The following DMTF1 variants were observed in gnomAD, a reference collection of about 807,000 sequenced individuals.
DMTF1 encodes the protein cyclin D binding myb like transcription factor 1, also known as cyclin-D-binding Myb-like transcription factor 1.
DMTF1 carries 39 observed loss-of-function variants against 91.1 expected under a neutral mutation model. The observed-to-expected ratio is 0.43, with a 90% CI of 0.33 to 0.56. The LOEUF is 0.56. Among genes scored for constraint, DMTF1 ranks in the 20% least tolerant of loss-of-function variants. The pLI, the probability that DMTF1 is intolerant of heterozygous loss-of-function variation, is 0.05. For missense variants in DMTF1, 750 were observed against 914.5 expected (o/e 0.82, Z 2.32); for synonymous variants, 338 against 309.5 (o/e 1.09, Z -0.97).
chr7:87,162,584 A>G (rs1230001291), intron 1 of DMTF1, among the ~76,000 whole-genome samples: 4 of 152,104 alleles, frequency 2.6e-5, no homozygotes, highest in African/African-American at 9.7e-5. Flanking sequence ...TTACTTTTTT[A>G]CATTTCTTTC....
chr7:87,157,336 C>T (rs1263828329), intron 1 of DMTF1, among the ~76,000 whole-genome samples: 1 of 152,106 alleles, frequency 6.6e-6, no homozygotes, highest in Non-Finnish European at 1.5e-5. Flanking sequence ...TTTAGAATCA[C>T]AGCTCCAAGC....
At chr7:87,172,330 T>C (rs185623504) in intron 5 of DMTF1, among the ~76,000 whole-genome samples, 1 of 152,332 alleles carries the variant, frequency 6.6e-6, no homozygotes, top group East Asian at 1.9e-4. Flanking sequence ...TTATTCACAC[T>C]TGTTCCAGTG....
rs1409296935 is a variant in DMTF1, at chr7:87,194,796, C to T, written c.2141C>T (p.Thr714Ile). Reference sequence around the variant, plus strand: ...ATCCAGGCATCTGATGTTATAGATACTGAATCTGTCTTGCCTTTGACAACA... The same window carrying T: ...ATCCAGGCATCTGATGTTATAGATATTGAATCTGTCTTGCCTTTGACAACA... Reference protein sequence around the residue: ...GFIQASDVIDTESVLPLTTLT... With the variant: ...GFIQASDVIDIESVLPLTTLT... The change falls in exon 17 of 18, where the codon ACT (threonine) becomes ATT (isoleucine). Residue 714 changes from threonine (T) to isoleucine (I), a missense_variant. Around this residue, in one of 3 missense-constraint regions of DMTF1, gnomAD observed 410 missense variants for 420.2 expected, o/e 0.98. Transcript: ENST00000331242. 1 of 1,611,812 alleles carries T rather than the reference C, an allele frequency of 6.2e-7. No homozygotes were observed. The highest frequency in any genetic ancestry group is 1.3e-5 in the African/African-American group (1 of 74,758).
chr7:87,168,246 A>AT (rs1794274340), intron 4 of DMTF1, among the ~76,000 whole-genome samples: 1 of 152,186 alleles, frequency 6.6e-6, no homozygotes. Flanking sequence ...CTGCCACTAC[A>AT]TTTATCCCAT....
intron 9 of DMTF1, among the ~76,000 whole-genome samples, chr7:87,181,649 A>G (rs1399721013): frequency 1.3e-5 from 2 of 152,212 alleles, no homozygotes; most frequent in Non-Finnish European, 2.9e-5. Context: ...TTTATATACC[A>G]GGATGAAAAC....
At chr7:87,164,563 A>T (rs1793352737) in intron 2 of DMTF1, among the ~76,000 whole-genome samples, 1 of 152,096 alleles carries the variant, frequency 6.6e-6, no homozygotes, top group South Asian at 2.1e-4. Context: ...TCTTCTGCTT[A>T]AAGAAAAAGA....
intron 7 of DMTF1, among the ~76,000 whole-genome samples, chr7:87,176,238 A>T (rs1796238940): frequency 2.6e-5 from 4 of 152,224 alleles, no homozygotes; most frequent in Admixed American, 2.6e-4. Flanking sequence ...TCACTAATAA[A>T]TGAGATCCTT....
intron 11 of DMTF1, 32 bp from the exon 12 acceptor site, chr7:87,185,797 A>G: frequency 6.2e-7 from 1 of 1,611,706 alleles, no homozygotes; most frequent in Non-Finnish European, 8.5e-7. Flanking sequence ...AAATTAATTT[A>G]ATGTCTAACG....
At position 87,188,143 on chromosome 7, in the gene DMTF1, C is replaced by T. The variant is rs113752742; in HGVS notation, c.1253C>T (p.Thr418Met). 1.2e-3 allele frequency: 1,981 copies of T among 1,613,860 alleles called. 18 individuals are homozygous for T. In the African/African-American group the frequency reaches 0.019, roughly 16 times the overall value. ...QLHENQKNNPTLLENKSGSGV... is the reference protein window; with the variant it reads ...QLHENQKNNPMLLENKSGSGV... ...CATGAGAACCAAAAAAACAACCCAACGCTTTTGGAGAATAAATCAGGATCT... is the reference window on the plus strand; with the variant it reads ...CATGAGAACCAAAAAAACAACCCAATGCTTTTGGAGAATAAATCAGGATCT... Residue 418 changes from threonine (T) to methionine (M), a missense_variant, in exon 13 of 18, where the codon ACG (threonine) becomes ATG (methionine). Around this residue, in one of 3 missense-constraint regions of DMTF1, gnomAD observed 410 missense variants for 420.2 expected, o/e 0.98. Transcript: ENST00000331242.
At chr7:87,190,795 T>C in intron 13 of DMTF1, 150 bp from the exon 14 acceptor site, 1 of 591,378 alleles carries the variant, frequency 1.7e-6, no homozygotes, top group Non-Finnish European at 2.9e-6. Context: ...TCCTTATCTC[T>C]CTTAAGAAAT....
At chr7:87,182,643 G>C (rs1365110901) in intron 10 of DMTF1, among the ~76,000 whole-genome samples, 1 of 152,152 alleles carries the variant, frequency 6.6e-6, no homozygotes, top group Admixed American at 6.5e-5. Flanking sequence ...GTATTTTGAA[G>C]ACATACATGC....
intron 5 of DMTF1, 97 bp from the exon 6 acceptor site, chr7:87,173,438 C>G (rs1225117809): frequency 1.6e-6 from 1 of 628,288 alleles, no homozygotes; most frequent in East Asian, 3.1e-5. Flanking sequence ...TTTTATAATG[C>G]TTAGCATTAC....
chr7:87,174,712 G>T (rs764094189), intron 7 of DMTF1, 43 bp downstream of exon 7: 42 of 1,385,814 alleles, frequency 3.0e-5, no homozygotes, highest in Admixed American at 2.5e-4. Flanking sequence ...TTTGTTTATT[G>T]CCAATTGCAA....
Position 87,158,101 on chromosome 7 carries a change from T to TTGGG in DMTF1, c.-131-5394_-131-5393insTGGG, listed in dbSNP as rs573947111. ...TCAACTTTTGTGGCCCAGAAGTATA[T>TTGGG]ACAAATTTTGAAGTTTGGCAGAAGG... On this transcript the variant is annotated intron_variant, in intron 1 of 17. Transcript: ENST00000331242. Among the ~76,000 whole-genome samples, 791 of 152,222 alleles carry TTGGG rather than the reference T, an allele frequency of 5.2e-3. 4 individuals are homozygous for TTGGG. The highest frequency in any genetic ancestry group is 0.018 in the African/African-American group (767 of 41,566).
intron 8 of DMTF1, among the ~76,000 whole-genome samples, chr7:87,180,749 A>G (rs1386046993): frequency 6.6e-6 from 1 of 152,124 alleles, no homozygotes; most frequent in Non-Finnish European, 1.5e-5. Context: ...TGTATGTTTT[A>G]AATGTTGATT....
chr7:87,181,837 G>A (rs1023392258), intron 9 of DMTF1, among the ~76,000 whole-genome samples: 2 of 152,130 alleles, frequency 1.3e-5, no homozygotes, highest in African/African-American at 2.4e-5. Flanking sequence ...AAATTTGAAG[G>A]TAGATTCTGT....
At chr7:87,158,270 T>C (rs546586470) in intron 1 of DMTF1, among the ~76,000 whole-genome samples, 1 of 152,176 alleles carries the variant, frequency 6.6e-6, no homozygotes, top group South Asian at 2.1e-4. Context: ...GCCACATGTT[T>C]AAAAACTCAA....
chr7:87,182,088 T>C (rs1797503790), intron 9 of DMTF1, 140 bp from the exon 10 acceptor site: 3 of 1,541,848 alleles, frequency 1.9e-6, no homozygotes, highest in Non-Finnish European at 2.6e-6. Flanking sequence ...GGCCACACTT[T>C]CAAACTTTGG....
rs1369495642 is a variant in DMTF1, at chr7:87,194,821, A to G, written c.2166A>G (p.Thr722=). 6.2e-7 allele frequency: 1 copy of G among 1,609,220 alleles called. No individual in the cohort carries two copies. The highest frequency in any genetic ancestry group is 1.1e-5 in the South Asian group (1 of 90,146). Residue 722 remains threonine, a synonymous_variant, in exon 17 of 18, where the codon ACA becomes ACG. Transcript: ENST00000331242. ...CTGAATCTGTCTTGCCTTTGACAAC[A>G]CTAACAGGTACTGTAATATAATACT... ...IDTESVLPLT[T]LTDPILQHHQ... is the part of the protein sequence containing the mutation.
Sources: allele counts gnomAD v4.1 joint callset (sites outside exome capture counted in the v4.1 genomes callset), GRCh38; gene constraint gnomAD v4.1.1; regional missense constraint gnomAD v4.1.1; transcripts MANE v1.5; gene names NCBI Gene and HGNC (gene_info 2026-07-23, HGNC 2026-07-21).